Variants in MNS1 observed in about 807,000 individuals in gnomAD.
MNS1 encodes the protein meiosis-specific nuclear structural protein 1.
In MNS1, 63 loss-of-function variants were observed where a neutral mutation model predicts 72.0. The ratio of observed to expected loss-of-function variants is 0.87; its 90% CI spans 0.71 to 1.08. The LOEUF (loss-of-function observed/expected upper bound fraction) is 1.08. Ranked by LOEUF, MNS1 falls within the 50% of genes least tolerant of loss-of-function variation. The probability of loss-of-function intolerance (pLI) is 0.00; values close to 1 mark genes in which losing one functional copy is unlikely to be tolerated. For synonymous variants in MNS1, 188 were observed against 172.1 expected (o/e 1.09, Z -0.72); for missense variants, 604 against 562.4 (o/e 1.07, Z -0.75).
chr15:56,439,055 A>C (rs538051165), intron 7 of MNS1, among the ~76,000 whole-genome samples: 1 of 152,038 alleles, frequency 6.6e-6, no homozygotes, highest in Non-Finnish European at 1.5e-5. Context: ...CTATGTAGGG[A>C]AAAAAAATCC....
intron 7 of MNS1, among the ~76,000 whole-genome samples, chr15:56,435,617 C>G (rs570968341): frequency 1.3e-5 from 2 of 151,900 alleles, no homozygotes; most frequent in South Asian, 4.2e-4. Context: ...CCAAAACTCA[C>G]CAAATATGAA....
chr15:56,431,412 A>C lies in MNS1; in HGVS notation c.1356T>G (p.Leu452=), dbSNP rs2050592219. 14 of 1,613,490 alleles carry C rather than the reference A, an allele frequency of 8.7e-6. No homozygotes were observed. The highest frequency in any genetic ancestry group is 1.2e-5 in the Non-Finnish European group (14 of 1,179,862). ...CTAGTAAGTTTGTAGCATGCTCTTT[A>C]AGAAGTTTTAGCCTTTCTTCTTCAA... ...AIIEEERLKL[L]KEHATNLLGY... is the part of the protein sequence containing the mutation. The change falls in exon 9 of 10, where the codon CTT becomes CTG. Residue 452 remains leucine, a synonymous_variant. Transcript: ENST00000260453.
intron 2 of MNS1, among the ~76,000 whole-genome samples, chr15:56,456,968 A>G (rs2050985483): frequency 6.6e-6 from 1 of 152,188 alleles, no homozygotes; most frequent in South Asian, 2.1e-4. Context: ...CTAATTAACA[A>G]TAATTCCTTA....
rs747418734 is a variant in MNS1 at position 56,429,071 on chromosome 15, A to T, written c.*30T>A. The T allele has an allele frequency of 4.1e-6, 6 of 1,453,728 alleles. No individual in the cohort carries two copies. The Admixed American group carries it at 1.0e-4, about 24-fold the overall frequency. 90.1% of individuals were successfully genotyped at this position (1,453,728 alleles called of 1,614,324 possible). On this transcript the variant is annotated 3_prime_UTR_variant, in exon 10 of 10. Transcript: ENST00000260453. ...CTGACATCTAGTGGTAACATGCAAA[A>T]AATCTATGCTTTACCCAATTTTGAT...
At chr15:56,457,959 A>G (rs1211687456) in intron 2 of MNS1, among the ~76,000 whole-genome samples, 4 of 152,202 alleles carry the variant, frequency 2.6e-5, no homozygotes, top group African/African-American at 9.7e-5. Context: ...GCCAATACCA[A>G]AAATACTCCA....
chr15:56,439,467 T>C (rs1419071149), intron 7 of MNS1, among the ~76,000 whole-genome samples: 1 of 152,010 alleles, frequency 6.6e-6, no homozygotes, highest in Non-Finnish European at 1.5e-5. Flanking sequence ...TTTTAAGACT[T>C]GCCATATAGC....
chr15:56,446,623 A>AG lies in MNS1; in HGVS notation c.456+217dup, dbSNP rs562244219. Among the ~76,000 whole-genome samples the AG allele has an allele frequency of 9.9e-5, 15 of 152,196 alleles. 1 individual carries two copies. The South Asian group carries it at 3.1e-3, about 32-fold the overall frequency. ...AAGAATGCTGGGAGTTACTGAATAT[A>AG]GCTGGTCATTCTAAGCAGCAATGTG... On this transcript the variant is annotated intron_variant, in intron 4 of 9. Transcript: ENST00000260453.
intron 2 of MNS1, chr15:56,463,807 T>C (rs2051038973): frequency 1.2e-5 from 6 of 480,200 alleles, no homozygotes; most frequent in Non-Finnish European, 2.2e-5. Flanking sequence ...AAAAGCAACT[T>C]ACTCAAGGGT....
intron 9 of MNS1, 70 bp from the exon 10 acceptor site, chr15:56,429,263 C>T: frequency 1.0e-6 from 1 of 977,822 alleles, no homozygotes; most frequent in Admixed American, 2.4e-5. Context: ...TTAAGACTGA[C>T]AGACATAAGA....
chr15:56,460,006 A>T (rs2051007554), intron 2 of MNS1, among the ~76,000 whole-genome samples: 1 of 57,686 alleles, frequency 1.7e-5, no homozygotes, highest in African/African-American at 6.3e-5. Flanking sequence ...AAAAAAAAAA[A>T]AAAATACATA....
At chr15:56,461,161 G>A (rs745309452) in intron 2 of MNS1, among the ~76,000 whole-genome samples, 2 of 152,086 alleles carry the variant, frequency 1.3e-5, no homozygotes, top group Non-Finnish European at 2.9e-5. Flanking sequence ...ATATTAGGGA[G>A]GGCAATGTGC....
intron 3 of MNS1, among the ~76,000 whole-genome samples, chr15:56,455,264 A>C (rs56175232): frequency 1.0e-4 from 14 of 133,946 alleles, no homozygotes; most frequent in African/African-American, 2.3e-4. Context: ...AAAAAAAAAA[A>C]AAAAAAACCA....
intron 7 of MNS1, among the ~76,000 whole-genome samples, chr15:56,442,697 G>A (rs568677608): frequency 2.0e-5 from 3 of 152,082 alleles, no homozygotes; most frequent in African/African-American, 4.8e-5. Flanking sequence ...TTGAGTACAC[G>A]TGGACACAAA....
At chr15:56,446,782 A>G in intron 4 of MNS1, 59 bp downstream of exon 4, 1 of 1,277,740 alleles carries the variant, frequency 7.8e-7, no homozygotes. Context: ...TTTAAGAAAC[A>G]AGTCTAATTT....
chr15:56,434,053 C>T (rs1226565583), intron 8 of MNS1, 85 bp downstream of exon 8: 1 of 1,395,172 alleles, frequency 7.2e-7, no homozygotes, highest in African/African-American at 1.4e-5. Flanking sequence ...GCATATAAAG[C>T]TTCTCAGTAA....
chr15:56,456,627 T>C (rs2050983415), intron 2 of MNS1, 106 bp from the exon 3 acceptor site: 3 of 1,053,438 alleles, frequency 2.8e-6, no homozygotes, highest in Middle Eastern at 2.6e-4. Flanking sequence ...AGGCCAACAA[T>C]TGATGATGTT....
Position 56,465,122 on chromosome 15 carries a change from C to G in MNS1, c.-150G>C, listed in dbSNP as rs549527154. The G allele has an allele frequency of 2.3e-4, 234 of 1,014,570 alleles. No individual in the cohort carries two copies. In the African/African-American group the frequency reaches 3.2e-3, roughly 14 times the overall value. The allele number at this position is 1,014,570 out of a possible 1,614,324, so 62.8% of individuals were successfully genotyped here. A position where few individuals can be genotyped will look rare whatever the true frequency, so the allele number is the denominator to read the frequency against. On this transcript the variant is annotated 5_prime_UTR_variant, in exon 1 of 10. Transcript: ENST00000260453. Reference sequence around the variant, plus strand: ...TGGCAACGGTGGAGCTGCGCGCCCTCCGCTCGACCAAAAGTGACCCACGCA... The same window carrying G: ...TGGCAACGGTGGAGCTGCGCGCCCTGCGCTCGACCAAAAGTGACCCACGCA...
chr15:56,439,436 CTAGAAT>C (rs1319955138), intron 7 of MNS1, among the ~76,000 whole-genome samples: 1 of 75,808 alleles, frequency 1.3e-5, no homozygotes, highest in East Asian at 2.3e-4. Flanking sequence ...GGCAAAGGAA[CTAGAAT>C]AGCTAAAAAA....
At chr15:56,458,391 T>A (rs970181682) in intron 2 of MNS1, among the ~76,000 whole-genome samples, 22 of 152,212 alleles carry the variant, frequency 1.4e-4, no homozygotes, top group Non-Finnish European at 2.9e-5. Flanking sequence ...CTTCCCCTTC[T>A]ATCAGCCTCC....
Sources: allele counts gnomAD v4.1 joint callset (sites outside exome capture counted in the v4.1 genomes callset), GRCh38; gene constraint gnomAD v4.1.1; transcripts MANE v1.5; gene names NCBI Gene and HGNC (gene_info 2026-07-23, HGNC 2026-07-21).